The following FBXO42 variants were observed in gnomAD, a reference collection of about 807,000 sequenced individuals.
FBXO42 encodes F-box protein 42.
Under a neutral mutation model 71.7 loss-of-function variants are expected in FBXO42, and 12 were observed. The observed-to-expected ratio is 0.17, with a 90% CI of 0.11 to 0.27. The LOEUF (loss-of-function observed/expected upper bound fraction) is 0.27, where lower values mean the gene tolerates loss of function less well. Among genes scored for constraint, FBXO42 ranks in the 10% least tolerant of loss-of-function variants. The pLI is 1.00. For missense variants in FBXO42, 707 were observed against 911.9 expected, an observed-to-expected ratio of 0.78 and a Z score of 2.89; for synonymous variants, 325 against 327.5, an observed-to-expected ratio of 0.99 and a Z score of 0.08.
chr1:16,292,880 ATCT>A (rs2082093816), intron 4 of FBXO42: 1 of 152,216 alleles, frequency 6.6e-6, no homozygotes, highest in Admixed American at 6.5e-5. Flanking sequence ...AGCTGAGAAG[ATCT>A]TCTATATTTT....
chr1:16,288,355 G>A (rs745973777), intron 4 of FBXO42, among the ~76,000 whole-genome samples: 19 of 151,792 alleles, frequency 1.3e-4, no homozygotes, highest in East Asian at 5.8e-4. Flanking sequence ...ACTTGAACCC[G>A]GGAGGTGGAG....
At chr1:16,289,346 G>T (rs1014195010) in intron 4 of FBXO42, among the ~76,000 whole-genome samples, 2 of 151,228 alleles carry the variant, frequency 1.3e-5, no homozygotes, top group Non-Finnish European at 2.9e-5. Context: ...TGAGGCTATA[G>T]TCAATTAATT....
At chr1:16,311,784 C>T (rs1428173917) in intron 2 of FBXO42, among the ~76,000 whole-genome samples, 1 of 151,976 alleles carries the variant, frequency 6.6e-6, no homozygotes, top group Non-Finnish European at 1.5e-5. Context: ...AATGGTTCAG[C>T]CACTTAAAAC....
At chr1:16,312,432 T>C (rs1228387070) in intron 2 of FBXO42, among the ~76,000 whole-genome samples, 3 of 152,276 alleles carry the variant, frequency 2.0e-5, no homozygotes, top group Non-Finnish European at 4.4e-5. Flanking sequence ...GGCTGTATAC[T>C]GTATGATTCC....
intron 4 of FBXO42, among the ~76,000 whole-genome samples, chr1:16,263,574 T>G (rs1466695862): frequency 6.6e-6 from 1 of 150,906 alleles, no homozygotes; most frequent in Admixed American, 6.6e-5. Flanking sequence ...ATACAAAAAA[T>G]TAGCCCGGCA....
chr1:16,351,648 T>G (rs1369125649), intron 1 of FBXO42, among the ~76,000 whole-genome samples: 1 of 152,098 alleles, frequency 6.6e-6, no homozygotes, highest in African/African-American at 2.4e-5. Flanking sequence ...CACCGTTCCC[T>G]TTGCACACAC....
In FBXO42 at chr1:16,352,295, G is replaced by A. The variant is rs373013007; in HGVS notation, c.-58C>T. On this transcript the variant is annotated 5_prime_UTR_variant, in exon 1 of 10. Coordinates refer to ENST00000375592, the MANE Select transcript of FBXO42 (RefSeq NM_018994.3). ...CCACGCTCTCGGGTTCGCTCCGCTG[G>A]CGACGGTAATGAGGGAGCCAGGGAC... The A allele has an allele frequency of 2.3e-5, 9 of 397,090 alleles. No individual in the cohort carries two copies. Among genetic ancestry groups the A allele is most frequent in the South Asian group, 2.6e-4 (2 of 7,662 alleles). 24.6% of individuals were successfully genotyped at this position (397,090 alleles called of 1,614,324 possible).
chr1:16,296,784 G>C (rs1259458843), intron 3 of FBXO42, among the ~76,000 whole-genome samples: 1 of 151,842 alleles, frequency 6.6e-6, no homozygotes, highest in African/African-American at 2.4e-5. Flanking sequence ...TATTTTTAAG[G>C]TCTCTTCTGA....
intron 4 of FBXO42, among the ~76,000 whole-genome samples, chr1:16,276,738 C>A (rs1018657631): frequency 6.6e-5 from 10 of 152,128 alleles, no homozygotes; most frequent in African/African-American, 2.4e-4. Context: ...TACATGGATA[C>A]CTGAGAATAA....
rs1172301487 is a variant in FBXO42 at position 16,336,711 on chromosome 1, C to A, written c.-18+15544G>T. On this transcript the variant is annotated intron_variant, in intron 1 of 9. Coordinates refer to ENST00000375592, the MANE Select transcript of FBXO42 (RefSeq NM_018994.3). ...AGAAGAAGGATGTCTGGGCTGGGTG[C>A]GGTGGCTCACGCCTATAATCCCAAC... 2.7e-5 allele frequency among the ~76,000 whole-genome samples: 4 copies of A among 150,784 alleles called. No individual in the cohort carries two copies. In the Admixed American group the frequency reaches 2.7e-4, roughly 10 times the overall value.
intron 3 of FBXO42, among the ~76,000 whole-genome samples, chr1:16,296,649 CA>C (rs58537213): frequency 0.58 from 53,161 of 91,310 alleles, 11,882 homozygotes; most frequent in Admixed American, 0.66. Flanking sequence ...GACTCCATCT[CA>C]AAAAAAAAAA....
At chr1:16,294,737 GGGAGTCACCT>G in intron 4 of FBXO42, 36 bp downstream of exon 4, 2 of 1,597,620 alleles carry the variant, frequency 1.3e-6, no homozygotes, top group Non-Finnish European at 1.7e-6. Context: ...TCCATGCCAA[GGGAGTCACCT>G]GGTAAGGAGG....
At chr1:16,330,895 T>C (rs1569933908) in intron 1 of FBXO42, among the ~76,000 whole-genome samples, 1 of 150,400 alleles carries the variant, frequency 6.6e-6, no homozygotes, top group Non-Finnish European at 1.5e-5. Context: ...TGAGCCGAGA[T>C]CCTGCCATTG....
intron 1 of FBXO42, among the ~76,000 whole-genome samples, chr1:16,319,287 A>G (rs1329742315): frequency 6.6e-6 from 1 of 152,242 alleles, no homozygotes; most frequent in Non-Finnish European, 1.5e-5. Context: ...CTACCACTGC[A>G]GTAATTCATG....
At chr1:16,274,776 G>C (rs2081882451) in intron 4 of FBXO42, among the ~76,000 whole-genome samples, 1 of 151,508 alleles carries the variant, frequency 6.6e-6, no homozygotes, top group Admixed American at 6.6e-5. Flanking sequence ...TATTTCAGTA[G>C]AGACAGGGTT....
At chr1:16,333,373 G>T (rs2082520431) in intron 1 of FBXO42, among the ~76,000 whole-genome samples, 2 of 151,628 alleles carry the variant, frequency 1.3e-5, no homozygotes, top group African/African-American at 2.4e-5. Flanking sequence ...AGCAACTCAG[G>T]AGACTGCCAC....
chr1:16,308,494 C>CTT (rs71003268), intron 2 of FBXO42, among the ~76,000 whole-genome samples: 22,987 of 126,238 alleles, frequency 0.18, 2,271 homozygotes, highest in Non-Finnish European at 0.23. Context: ...ACCCATCTCT[C>CTT]TTTTTTTTTT....
intron 7 of FBXO42, 120 bp from the exon 8 acceptor site, chr1:16,253,272 T>C: frequency 1.3e-6 from 1 of 777,548 alleles, no homozygotes. Flanking sequence ...CTAGTTACCA[T>C]AACCTCTCCA....
intron 4 of FBXO42, among the ~76,000 whole-genome samples, chr1:16,282,906 A>G (rs969559816): frequency 3.3e-5 from 5 of 151,812 alleles, no homozygotes; most frequent in African/African-American, 1.2e-4. Context: ...GCTTGAACCC[A>G]GGAGGCAGAG....
Sources: allele counts gnomAD v4.1 joint callset (sites outside exome capture counted in the v4.1 genomes callset), GRCh38; gene constraint gnomAD v4.1.1; transcripts MANE v1.5; gene names NCBI Gene and HGNC (gene_info 2026-07-23, HGNC 2026-07-21).